The following NTNG1 variants were observed in gnomAD, a reference collection of about 807,000 sequenced individuals.
NTNG1 encodes netrin G1.
NTNG1 carries 16 observed loss-of-function variants against 54.0 expected under a neutral mutation model. That is an observed-to-expected ratio of 0.30 (90% CI 0.20 to 0.45). The LOEUF (loss-of-function observed/expected upper bound fraction) is 0.45. Ranked by LOEUF, NTNG1 falls within the 20% of genes least tolerant of loss-of-function variation. The probability of loss-of-function intolerance (pLI) is 1.00; values close to 1 mark genes in which losing one functional copy is unlikely to be tolerated. For missense variants in NTNG1, 530 were observed against 678.7 expected, an observed-to-expected ratio of 0.78 and a Z score of 2.43; for synonymous variants, 255 against 263.1, an observed-to-expected ratio of 0.97 and a Z score of 0.30.
chr1:107,242,995 A>C (rs980209210), intron 2 of NTNG1, among the ~76,000 whole-genome samples: 13 of 152,254 alleles, frequency 8.5e-5, no homozygotes, highest in Non-Finnish European at 4.4e-5. Context: ...GATTACTTAG[A>C]GGTAAGGTTG....
intron 3 of NTNG1, among the ~76,000 whole-genome samples, chr1:107,352,615 G>T (rs1344534391): frequency 6.6e-6 from 1 of 152,184 alleles, no homozygotes; most frequent in Non-Finnish European, 1.5e-5. Context: ...GGAGAAATCA[G>T]CCAAAAGAAA....
chr1:107,353,409 C>A (rs752243225), intron 3 of NTNG1, among the ~76,000 whole-genome samples: 26 of 152,324 alleles, frequency 1.7e-4, no homozygotes, highest in Admixed American at 3.3e-4. Context: ...ACGCAGTCAA[C>A]ATTTTTGCTA....
chr1:107,184,923 C>A (rs1213934091), intron 2 of NTNG1, among the ~76,000 whole-genome samples: 2 of 152,118 alleles, frequency 1.3e-5, no homozygotes, highest in Non-Finnish European at 2.9e-5. Context: ...TCTAGAGTTT[C>A]CACTGGGAGA....
intron 2 of NTNG1, among the ~76,000 whole-genome samples, chr1:107,301,981 C>T (rs887836669): frequency 2.6e-5 from 4 of 152,154 alleles, no homozygotes; most frequent in African/African-American, 7.2e-5. Context: ...TGTTTGCCAG[C>T]TCTTTCCATA....
At chr1:107,252,717 GA>G (rs1455520843) in intron 2 of NTNG1, among the ~76,000 whole-genome samples, 3 of 152,180 alleles carry the variant, frequency 2.0e-5, no homozygotes, top group African/African-American at 7.2e-5. Context: ...TTTGGTATCT[GA>G]ATTCCAAATT....
intron 2 of NTNG1, among the ~76,000 whole-genome samples, chr1:107,313,788 T>C (rs1339868042): frequency 1.3e-5 from 2 of 152,162 alleles, no homozygotes. Flanking sequence ...GTCCTTGCAT[T>C]TACTCTTCTT....
At chr1:107,420,698 T>C (rs1674520910) in intron 5 of NTNG1, among the ~76,000 whole-genome samples, 1 of 151,966 alleles carries the variant, frequency 6.6e-6, no homozygotes. Context: ...GTCGAATAGT[T>C]TATCATGACA....
chr1:107,332,529 G>A (rs1668344669), intron 3 of NTNG1, among the ~76,000 whole-genome samples: 1 of 152,046 alleles, frequency 6.6e-6, no homozygotes, highest in Admixed American at 6.6e-5. Flanking sequence ...TCCTAAATCT[G>A]TGGTCTGCAT....
intron 2 of NTNG1, among the ~76,000 whole-genome samples, chr1:107,232,943 A>G (rs1661169823): frequency 6.6e-6 from 1 of 152,220 alleles, no homozygotes; most frequent in South Asian, 2.1e-4. Context: ...GATAAGGTTT[A>G]TGCACAAATC....
At chr1:107,319,888 ACT>A (rs1323553282) in intron 2 of NTNG1, among the ~76,000 whole-genome samples, 1 of 141,296 alleles carries the variant, frequency 7.1e-6, no homozygotes, top group Non-Finnish European at 1.5e-5. Context: ...TATATATAAA[ACT>A]CTGAAGGGCT....
At chr1:107,438,367 G>A (rs1675742723) in intron 7 of NTNG1, among the ~76,000 whole-genome samples, 1 of 152,176 alleles carries the variant, frequency 6.6e-6, no homozygotes, top group South Asian at 2.1e-4. Context: ...ATAAAGCCAT[G>A]GTTTAAAAGT....
At position 107,191,062 on chromosome 1, in the gene NTNG1, A is replaced by G. The variant is rs373443623; in HGVS notation, c.246+42223A>G. On this transcript the variant is annotated intron_variant, in intron 2 of 7. Coordinates refer to ENST00000370068, the MANE Select transcript of NTNG1 (RefSeq NM_001113226.3). ...CCACCAACAGTGTAAAAGTGTTCCT[A>G]TTTCTCCGCATCCTCTCCAGCACCT... Among the ~76,000 whole-genome samples, 119 of 152,214 alleles carry G rather than the reference A, an allele frequency of 7.8e-4. 1 individual carries two copies. The South Asian group carries it at 0.024, about 31-fold the overall frequency.
intron 2 of NTNG1, among the ~76,000 whole-genome samples, chr1:107,227,718 A>C (rs1030524779): frequency 4.6e-5 from 7 of 152,058 alleles, no homozygotes; most frequent in African/African-American, 1.4e-4. Flanking sequence ...ACACACACAC[A>C]GATAGACAGA....
intron 2 of NTNG1, among the ~76,000 whole-genome samples, chr1:107,308,999 T>C (rs937995804): frequency 1.7e-5 from 2 of 119,876 alleles, no homozygotes; most frequent in Non-Finnish European, 3.9e-5. Context: ...TGATGTATTA[T>C]TGGTTCTTTC....
chr1:107,363,789 G>A (rs568541360), intron 3 of NTNG1, among the ~76,000 whole-genome samples: 68 of 152,068 alleles, frequency 4.5e-4, no homozygotes, highest in African/African-American at 1.0e-3. Context: ...ACATTTAATC[G>A]TTTCAACATG....
chr1:107,215,870 G>A (rs1340371865), intron 2 of NTNG1, among the ~76,000 whole-genome samples: 1 of 151,764 alleles, frequency 6.6e-6, no homozygotes, highest in African/African-American at 2.4e-5. Context: ...CCTTGGTTAA[G>A]TATATTCCTA....
chr1:107,267,037 A>T (rs1176752123), intron 2 of NTNG1, among the ~76,000 whole-genome samples: 1 of 152,202 alleles, frequency 6.6e-6, no homozygotes, highest in Non-Finnish European at 1.5e-5. Flanking sequence ...GTCACAACAC[A>T]TTGTACTACA....
intron 5 of NTNG1, among the ~76,000 whole-genome samples, chr1:107,427,022 CATTG>C (rs1305314613): frequency 6.6e-6 from 1 of 152,010 alleles, no homozygotes; most frequent in Non-Finnish European, 1.5e-5. Flanking sequence ...GATTTTTGTA[CATTG>C]ATTTTGTATC....
At chr1:107,243,056 G>T (rs748642814) in intron 2 of NTNG1, among the ~76,000 whole-genome samples, 1 of 152,176 alleles carries the variant, frequency 6.6e-6, no homozygotes, top group African/African-American at 2.4e-5. Flanking sequence ...GCATCAAGGG[G>T]TTTGTTGAAA....
Sources: gnomAD v4.1 joint callset for allele counts (sites outside exome capture counted in the v4.1 genomes callset) on GRCh38, gnomAD v4.1.1 for gene constraint, MANE v1.5 for transcripts, NCBI Gene and HGNC (gene_info 2026-07-23, HGNC 2026-07-21) for gene names.